ZC3H4: variants seen among roughly 807,000 people sequenced by gnomAD.
ZC3H4 encodes the protein zinc finger CCCH-type containing 4, also known as zinc finger CCCH domain-containing protein 4.
ZC3H4 carries 13 observed loss-of-function variants against 108.3 expected under a neutral mutation model. That is an observed-to-expected ratio of 0.12 (90% CI 0.08 to 0.19). The LOEUF is 0.19. ZC3H4 is among the 10% of genes least tolerant of loss of function. ZC3H4 has a pLI of 1.00. For synonymous variants in ZC3H4, 917 were observed against 749.6 expected (o/e 1.22, Z -3.65); for missense variants, 1,734 against 1,838.8 (o/e 0.94, Z 1.04).
chr19:47,112,164 C>T, intron 2 of ZC3H4: 6 of 1,155,896 alleles, frequency 5.2e-6, no homozygotes, highest in Non-Finnish European at 6.4e-6. Flanking sequence ...CTCAGCATGG[C>T]GCCCAAAAAA....
Position 47,092,904 on chromosome 19 carries a change from T to C in ZC3H4, c.492+1066A>G, listed in dbSNP as rs146708712. On this transcript the variant is annotated intron_variant, in intron 4 of 14. Coordinates refer to ENST00000253048, the MANE Select transcript of ZC3H4 (RefSeq NM_015168.2). ...ACCCGGACACCCACGTGCCAACGAA[T>C]ACTGGGTAAAGTAATCATAAGATGA... 7.5e-3 allele frequency among the ~76,000 whole-genome samples: 1,134 copies of C among 151,228 alleles called. 8 individuals carry two copies. Among genetic ancestry groups the C allele is most frequent in the Non-Finnish European group, 0.011 (774 of 67,852 alleles).
Position 47,071,893 on chromosome 19 carries a change from T to C in ZC3H4, c.2031A>G (p.Gly677=). The change falls in exon 13 of 15, where the codon GGA becomes GGG. Residue 677 remains glycine (G), a synonymous_variant. Transcript: ENST00000253048. ...GCATCATTCCAGAATGTGGGGAGTC[T>C]CCAGGGCCGTAGGGCATCATTGGAG... ...GGPPMMPYGP[G]DSPHSGMMPP... is the part of the protein sequence containing the mutation. 9.9e-6 allele frequency: 16 copies of C among 1,612,690 alleles called. No individual in the cohort carries two copies. The highest frequency in any genetic ancestry group is 1.4e-5 in the Non-Finnish European group (16 of 1,179,396).
chr19:47,084,279 C>G, intron 9 of ZC3H4, 66 bp downstream of exon 9: 1 of 1,491,900 alleles, frequency 6.7e-7, no homozygotes, highest in Non-Finnish European at 9.3e-7. Context: ...CCAGAACCTT[C>G]TGGAAGCCAT....
At chr19:47,077,139 G>A (rs1474506951) in intron 11 of ZC3H4, among the ~76,000 whole-genome samples, 8 of 147,756 alleles carry the variant, frequency 5.4e-5, no homozygotes, top group Admixed American at 2.7e-4. Context: ...CAGCCTGGAC[G>A]ACAGAGCGAG....
chr19:47,087,093 T>C (rs572561507), intron 5 of ZC3H4, among the ~76,000 whole-genome samples: 47 of 151,758 alleles, frequency 3.1e-4, no homozygotes, highest in African/African-American at 1.1e-3. Flanking sequence ...CTGGCCAACA[T>C]GGTGAAATCT....
intron 2 of ZC3H4, among the ~76,000 whole-genome samples, chr19:47,098,071 A>G (rs2057851292): frequency 6.6e-6 from 1 of 152,192 alleles, no homozygotes; most frequent in African/African-American, 2.4e-5. Context: ...TCCCATTTTC[A>G]GCACTGGCTG....
intron 11 of ZC3H4, among the ~76,000 whole-genome samples, chr19:47,076,594 G>T (rs914980635): frequency 2.0e-5 from 3 of 151,986 alleles, no homozygotes; most frequent in Admixed American, 1.3e-4. Flanking sequence ...AGTGGCTCAC[G>T]CCTGTAATCC....
chr19:47,087,290 AC>A (rs1441223174), intron 5 of ZC3H4, among the ~76,000 whole-genome samples: 10 of 94,836 alleles, frequency 1.1e-4, no homozygotes, highest in Non-Finnish European at 1.7e-4. Flanking sequence ...ACACACACAC[AC>A]ACACACAAAA....
chr19:47,090,099 C>T lies in ZC3H4; in HGVS notation c.583G>A (p.Asp195Asn), dbSNP rs749686867. 1 of 1,614,246 alleles carries T rather than the reference C, an allele frequency of 6.2e-7. No individual in the cohort carries two copies. Among genetic ancestry groups the T allele is most frequent in the Admixed American group, 1.7e-5 (1 of 60,026 alleles). Residue 195 changes from aspartate to asparagine, a missense_variant, in exon 5 of 15, where the codon GAC becomes AAC. Physicochemically the swap from Asp to Asn is conservative, Grantham distance 23. This residue lies in a region of ZC3H4 where 403 missense variants were observed against 457.0 expected (regional missense o/e 0.88). Coordinates refer to ENST00000253048, the MANE Select transcript of ZC3H4 (RefSeq NM_015168.2). ...MDSKSYGMYE[D>N]YENEQYGEYE... is the part of the protein sequence containing the mutation. Reference sequence around the variant, plus strand: ...TCCCCATACTGCTCATTCTCGTAGTCCTCGTACATGCCATAACTCTTGCTG... The same window carrying T: ...TCCCCATACTGCTCATTCTCGTAGTTCTCGTACATGCCATAACTCTTGCTG...
chr19:47,086,462 GC>G lies in ZC3H4; in HGVS notation c.791del (p.Gly264AlafsTer47). 6.2e-7 allele frequency: 1 copy of G among 1,611,902 alleles called. No individual in the cohort carries two copies. On this transcript the variant is annotated frameshift_variant, in exon 6 of 15. Coordinates refer to ENST00000253048, the MANE Select transcript of ZC3H4 (RefSeq NM_015168.2). LOFTEE classifies it high-confidence loss of function. ...GGSRGRGMGR[G>X]SRGRGRGSMG... The stretch of plus-strand genomic sequence containing the variant: ...TAGAGCCTCTGCCCCTGCCTCGGCT[GC>G]CCCTGCCCATGCCGCGGCCTCGCGA...
chr19:47,105,049 A>T (rs1046916126), intron 2 of ZC3H4, among the ~76,000 whole-genome samples: 1 of 152,194 alleles, frequency 6.6e-6, no homozygotes, highest in African/African-American at 2.4e-5. Context: ...AGTGGAACGC[A>T]GGGAGAATGG....
chr19:47,071,759 C>T lies in ZC3H4; in HGVS notation c.2146+19G>A. ...TAAAGCCTGCAGCCCCAGGCAGCCA[C>T]ACCTGGAGTCCCGCATACCTGCATC... On this transcript the variant is annotated intron_variant, in intron 13 of 14. Coordinates refer to ENST00000253048, the MANE Select transcript of ZC3H4 (RefSeq NM_015168.2). The T allele has an allele frequency of 6.3e-7, 1 of 1,580,556 alleles. No homozygotes were observed. Among genetic ancestry groups the T allele is most frequent in the Non-Finnish European group, 8.6e-7 (1 of 1,165,734 alleles).
intron 11 of ZC3H4, among the ~76,000 whole-genome samples, chr19:47,080,552 G>GT (rs1290322880): frequency 6.6e-6 from 1 of 152,150 alleles, no homozygotes; most frequent in African/African-American, 2.4e-5. Context: ...CTGGAGTGCA[G>GT]TGGCATGATC....
chr19:47,100,445 G>A (rs968135028), intron 2 of ZC3H4, among the ~76,000 whole-genome samples: 13 of 151,772 alleles, frequency 8.6e-5, no homozygotes, highest in African/African-American at 2.4e-4. Context: ...ACGTGCCTAC[G>A]CCACGGCAAC....
rs188427884 is a variant in ZC3H4, at chr19:47,106,229, A to T, written c.161+6195T>A. 2.8e-3 allele frequency among the ~76,000 whole-genome samples: 420 copies of T among 152,200 alleles called. 5 individuals carry two copies. Among genetic ancestry groups the T allele is most frequent in the South Asian group, 0.027 (128 of 4,828 alleles). On this transcript the variant is annotated intron_variant, in intron 2 of 14. Coordinates refer to ENST00000253048, the MANE Select transcript of ZC3H4 (RefSeq NM_015168.2). ...ACATCCAGTTTGCCTAACTCCCCCAACCATAGCTGTCCACCACCCATCACT... is the reference window on the plus strand; with the variant it reads ...ACATCCAGTTTGCCTAACTCCCCCATCCATAGCTGTCCACCACCCATCACT...
Position 47,066,972 on chromosome 19 carries a change from G to C in ZC3H4, c.3296C>G (p.Pro1099Arg). 1 of 1,591,356 alleles carries C rather than the reference G, an allele frequency of 6.3e-7. No individual in the cohort carries two copies. The change falls in exon 15 of 15, where the codon CCT becomes CGT. Residue 1099 changes from proline to arginine, a missense_variant. Physicochemically the swap from Pro to Arg is moderately radical, Grantham distance 103. This residue lies in a region of ZC3H4 where 518 missense variants were observed against 499.6 expected (regional missense o/e 1.04). Transcript: ENST00000253048. ...GGCGGTGGGAGAGGGCGCCTCAGCA[G>C]GGCCGGGCTTGGCAGCCCGGGAGGA... Reference protein sequence around the residue: ...TASSRAAKPGPAEAPSPTASP... With the variant: ...TASSRAAKPGRAEAPSPTASP...
Position 47,065,222 on chromosome 19 carries a change from T to G in ZC3H4, c.*1134A>C, listed in dbSNP as rs1333134046. 6.6e-6 allele frequency: 1 copy of G among 152,426 alleles called. No individual in the cohort carries two copies. The highest frequency in any genetic ancestry group is 1.5e-5 in the Non-Finnish European group (1 of 68,104). The allele number at this position is 152,426 out of a possible 1,614,324, so 9.4% of individuals were successfully genotyped here. On this transcript the variant is annotated 3_prime_UTR_variant, in exon 15 of 15. Transcript: ENST00000253048. ...CAGGGTTCCCACTCAGTCCGTTTCT[T>G]AAGTGTCCACAAATCCCACAGAGCA...
chr19:47,110,882 T>A (rs1290560497), intron 2 of ZC3H4: 1 of 984,066 alleles, frequency 1.0e-6, no homozygotes, highest in Admixed American at 6.2e-5. Flanking sequence ...AAAAAAATGT[T>A]GTAAAAGCTC....
chr19:47,069,414 C>T (rs1263267010), intron 13 of ZC3H4, 71 bp from the exon 14 acceptor site: 3 of 1,541,366 alleles, frequency 1.9e-6, no homozygotes, highest in Non-Finnish European at 2.6e-6. Context: ...CCCCCTGCCC[C>T]TCACTGCAAA....
Sources: allele counts gnomAD v4.1 joint callset (sites outside exome capture counted in the v4.1 genomes callset), GRCh38; gene constraint gnomAD v4.1.1; regional missense constraint gnomAD v4.1.1; transcripts MANE v1.5; gene names NCBI Gene and HGNC (gene_info 2026-07-23, HGNC 2026-07-21).